TSPAN15: variants seen among roughly 807,000 people sequenced by gnomAD.
TSPAN15 encodes tetraspanin-15.
TSPAN15 carries 20 observed loss-of-function variants against 34.5 expected under a neutral mutation model. The ratio of observed to expected loss-of-function variants is 0.58; its 90% CI spans 0.41 to 0.84. The LOEUF is 0.84. Among genes scored for constraint, TSPAN15 ranks in the 40% least tolerant of loss-of-function variants. The probability of loss-of-function intolerance (pLI) is 0.00; values close to 1 mark genes in which losing one functional copy is unlikely to be tolerated. For synonymous variants in TSPAN15, 155 were observed against 153.9 expected, an observed-to-expected ratio of 1.01 and a Z score of -0.05; for missense variants, 313 against 386.1, an observed-to-expected ratio of 0.81 and a Z score of 1.59.
chr10:69,530,543 C>T, the TSPAN15 span, among the ~76,000 whole-genome samples: 8 of 146,344 alleles, frequency 5.5e-5, 1 homozygote, highest in African/African-American at 9.9e-5. Flanking sequence ...TGGTGGCTCA[C>T]GCCTGTAATC....
At chr10:69,480,149 A>T (rs1487908363) in intron 1 of TSPAN15, among the ~76,000 whole-genome samples, 1 of 151,988 alleles carries the variant, frequency 6.6e-6, no homozygotes, top group Admixed American at 6.6e-5. Context: ...CTTTATGGAG[A>T]GGGCTGGGGT....
chr10:69,493,240 G>A (rs1288196924), intron 3 of TSPAN15, among the ~76,000 whole-genome samples: 1 of 152,172 alleles, frequency 6.6e-6, no homozygotes, highest in Non-Finnish European at 1.5e-5. Flanking sequence ...CAGGCTGCTC[G>A]GCTGGAAGGC....
chr10:69,477,406 C>G (rs1841639611), intron 1 of TSPAN15, among the ~76,000 whole-genome samples: 1 of 152,264 alleles, frequency 6.6e-6, no homozygotes. Flanking sequence ...AGCCACTGCA[C>G]CCGGCCACCT....
At chr10:69,458,470 T>G (rs796593937) in intron 1 of TSPAN15, among the ~76,000 whole-genome samples, 23 of 152,362 alleles carry the variant, frequency 1.5e-4, no homozygotes, top group African/African-American at 5.5e-4. Flanking sequence ...TTTAATTATC[T>G]TTCTTATTGT....
At chr10:69,477,059 A>G (rs1298037213) in intron 1 of TSPAN15, among the ~76,000 whole-genome samples, 1 of 152,062 alleles carries the variant, frequency 6.6e-6, no homozygotes, top group Admixed American at 6.6e-5. Flanking sequence ...GTGGGAGAGA[A>G]GACTGTTTTC....
intron 1 of TSPAN15, among the ~76,000 whole-genome samples, chr10:69,473,483 A>T (rs2133091957): frequency 6.6e-6 from 1 of 151,802 alleles, no homozygotes; most frequent in East Asian, 1.9e-4. Flanking sequence ...AGCAGAAGGC[A>T]GCCCGTGGGG....
downstream of TSPAN15, among the ~76,000 whole-genome samples, chr10:69,507,996 A>G (rs1428214603): frequency 6.6e-6 from 1 of 152,152 alleles, no homozygotes; most frequent in African/African-American, 2.4e-5. Flanking sequence ...CAGTGTGCCT[A>G]ATGGCTGCCG....
At chr10:69,546,443 A>T in the TSPAN15 span, among the ~76,000 whole-genome samples, 1 of 152,154 alleles carries the variant, frequency 6.6e-6, no homozygotes, top group Non-Finnish European at 1.5e-5. Context: ...GACAAATCCC[A>T]TGGCCTATGG....
In TSPAN15 at chr10:69,455,608, C is replaced by CTT. The variant is rs1428393903; in HGVS notation, c.96+3919_96+3920insTT. On this transcript the variant is annotated intron_variant, in intron 1 of 7. Transcript: ENST00000373290. ...TTTCTTTCTCTTTCTTTCTTTCTTT[C>CTT]TCTCTCTCTCTCTCTCTCCCCCCCC... Among the ~76,000 whole-genome samples the CTT allele has an allele frequency of 8.0e-4, 80 of 100,418 alleles. 1 individual carries two copies. The highest frequency in any genetic ancestry group is 2.6e-3 in the African/African-American group (65 of 24,952). 65.9% of individuals were successfully genotyped at this position (100,418 alleles called of 152,430 possible).
At chr10:69,548,333 A>C in the TSPAN15 span, among the ~76,000 whole-genome samples, 1 of 152,248 alleles carries the variant, frequency 6.6e-6, no homozygotes, top group Non-Finnish European at 1.5e-5. Context: ...ATTATTGTAC[A>C]GGAGCTGCAT....
At chr10:69,512,952 A>G in the TSPAN15 span, among the ~76,000 whole-genome samples, 4 of 152,238 alleles carry the variant, frequency 2.6e-5, no homozygotes, top group African/African-American at 7.2e-5. Context: ...GTAAATATCT[A>G]GAAGTAGAAT....
At chr10:69,539,470 G>GAGA in the TSPAN15 span, among the ~76,000 whole-genome samples, 33 of 59,142 alleles carry the variant, frequency 5.6e-4, no homozygotes, top group African/African-American at 2.0e-3. Flanking sequence ...GAAGGAGAAG[G>GAGA]AGAAGGAGAA....
downstream of TSPAN15, chr10:69,507,803 TG>T: frequency 7.5e-6 from 2 of 266,386 alleles, no homozygotes; most frequent in South Asian, 8.0e-5. Flanking sequence ...GGGATACAGG[TG>T]GGGGGTTGGG....
chr10:69,530,814 CTCTCTCTATATATATA>C, the TSPAN15 span, among the ~76,000 whole-genome samples: 94 of 61,314 alleles, frequency 1.5e-3, no homozygotes, highest in East Asian at 4.7e-3. Flanking sequence ...CTCTCTCTCT[CTCTCTCTATATATATA>C]TATATATATA....
chr10:69,526,367 A>T, the TSPAN15 span, among the ~76,000 whole-genome samples: 1 of 148,630 alleles, frequency 6.7e-6, no homozygotes, highest in Non-Finnish European at 1.5e-5. Context: ...TCAATTAAAA[A>T]TTGGGCAAAG....
intron 5 of TSPAN15, among the ~76,000 whole-genome samples, chr10:69,499,360 G>A (rs1307236814): frequency 6.6e-6 from 1 of 152,224 alleles, no homozygotes; most frequent in East Asian, 1.9e-4. Context: ...GCCGGGCCAG[G>A]AGGGAAGCTT....
At chr10:69,464,875 C>T (rs186345671) in intron 1 of TSPAN15, among the ~76,000 whole-genome samples, 1 of 152,250 alleles carries the variant, frequency 6.6e-6, no homozygotes, top group Non-Finnish European at 1.5e-5. Context: ...AAACCAGGAG[C>T]TTCCTCTCCA....
At chr10:69,498,478 T>G in intron 5 of TSPAN15, 82 bp downstream of exon 5, 1 of 1,136,168 alleles carries the variant, frequency 8.8e-7, no homozygotes, top group Non-Finnish European at 1.3e-6. Flanking sequence ...CTTCCCAACT[T>G]GAAGATGGGT....
At chr10:69,543,523 C>CA in the TSPAN15 span, among the ~76,000 whole-genome samples, 1 of 152,182 alleles carries the variant, frequency 6.6e-6, no homozygotes, top group Non-Finnish European at 1.5e-5. Context: ...TCCAGCCACC[C>CA]AGCCCTAGCC....
Sources: allele counts gnomAD v4.1 joint callset (sites outside exome capture counted in the v4.1 genomes callset), GRCh38; gene constraint gnomAD v4.1.1; transcripts MANE v1.5; gene names NCBI Gene and HGNC (gene_info 2026-07-23, HGNC 2026-07-21).